Variants in FNBP4 observed in about 807,000 individuals in gnomAD.
The protein encoded by FNBP4 is formin binding protein 4.
In FNBP4, 34 loss-of-function variants were observed where a neutral mutation model predicts 119.3. The ratio of observed to expected loss-of-function variants is 0.28; its 90% CI spans 0.22 to 0.38. The LOEUF (loss-of-function observed/expected upper bound fraction) is 0.38. Ranked by LOEUF, FNBP4 falls within the 10% of genes least tolerant of loss-of-function variation. FNBP4 has a pLI of 1.00. For missense variants in FNBP4, 1,112 were observed against 1,228.9 expected, an observed-to-expected ratio of 0.90 and a Z score of 1.42; for synonymous variants, 462 against 430.6, an observed-to-expected ratio of 1.07 and a Z score of -0.90.
chr11:47,766,488 G>T (rs1292859682), intron 1 of FNBP4, among the ~76,000 whole-genome samples: 1 of 152,166 alleles, frequency 6.6e-6, no homozygotes, highest in Non-Finnish European at 1.5e-5. Context: ...ATGTGAAACG[G>T]TCGCGGCTTC....
chr11:47,728,104 G>A (rs1195265141), intron 12 of FNBP4, among the ~76,000 whole-genome samples: 5 of 151,768 alleles, frequency 3.3e-5, no homozygotes, highest in Admixed American at 2.0e-4. Flanking sequence ...TTGAACTCCC[G>A]ACCTCAGGTG....
chr11:47,735,407 T>C (rs2097572677), intron 9 of FNBP4, among the ~76,000 whole-genome samples: 1 of 152,200 alleles, frequency 6.6e-6, no homozygotes, highest in Admixed American at 6.5e-5. Context: ...AAGAATATGT[T>C]AAGTGGTTTT....
intron 7 of FNBP4, among the ~76,000 whole-genome samples, chr11:47,744,517 C>T (rs1034850666): frequency 2.0e-5 from 3 of 152,154 alleles, no homozygotes; most frequent in African/African-American, 7.2e-5. Context: ...CCTGCTCAGC[C>T]TCCCAAAGTC....
intron 8 of FNBP4, among the ~76,000 whole-genome samples, chr11:47,741,418 T>C (rs1276792905): frequency 6.6e-6 from 1 of 151,718 alleles, no homozygotes; most frequent in East Asian, 1.9e-4. Flanking sequence ...ATCTTTCCGC[T>C]TTGCCCTCCG....
intron 12 of FNBP4, chr11:47,729,816 G>C (rs1257733251): frequency 2.0e-6 from 2 of 985,176 alleles, no homozygotes; most frequent in African/African-American, 3.5e-5. Flanking sequence ...GTTGATTATT[G>C]CTCTTAAATC....
chr11:47,750,381 CAAAAAAAAAAAA>C (rs59583797), intron 6 of FNBP4, among the ~76,000 whole-genome samples: 4 of 24,752 alleles, frequency 1.6e-4, no homozygotes, highest in Admixed American at 8.5e-4. Context: ...GACTCCATAT[CAAAAAAAAAAAA>C]AAAAAAAAAA....
rs12270340 is a variant in FNBP4 at position 47,727,417 on chromosome 11, T to G, written c.2009-2639A>C. ...GGCCCACACCACCACATCCAGCTAA[T>G]TTTTGTATTTTTAGTAAGAGAGGGG... On this transcript the variant is annotated intron_variant, in intron 12 of 16. Coordinates refer to ENST00000263773, the MANE Select transcript of FNBP4 (RefSeq NM_015308.5). Among the ~76,000 whole-genome samples, 1,120 of 152,162 alleles carry G rather than the reference T, an allele frequency of 7.4e-3. 14 individuals are homozygous for G. Among genetic ancestry groups the G allele is most frequent in the African/African-American group, 0.026 (1,079 of 41,496 alleles).
chr11:47,746,485 G>A (rs1054400629), intron 6 of FNBP4, 91 bp from the exon 7 acceptor site: 15 of 1,100,640 alleles, frequency 1.4e-5, no homozygotes, highest in Non-Finnish European at 1.9e-5. Context: ...CATATTAACT[G>A]TTTTCAGTAG....
intron 12 of FNBP4, chr11:47,729,575 T>C: frequency 1.0e-6 from 1 of 955,554 alleles, no homozygotes; most frequent in Non-Finnish European, 1.2e-6. Context: ...AGTGGTACAA[T>C]TATGGCTTAC....
At chr11:47,755,752 C>T (rs2097616078) in intron 2 of FNBP4, among the ~76,000 whole-genome samples, 1 of 151,676 alleles carries the variant, frequency 6.6e-6, no homozygotes, top group South Asian at 2.1e-4. Context: ...AACATCTCCA[C>T]TGTACTCCAG....
At chr11:47,724,426 C>T in intron 13 of FNBP4, 42 bp downstream of exon 13, 1 of 1,613,458 alleles carries the variant, frequency 6.2e-7, no homozygotes, top group Non-Finnish European at 8.5e-7. Context: ...AATCATGTTC[C>T]AGTCCTCAAA....
intron 6 of FNBP4, among the ~76,000 whole-genome samples, chr11:47,747,033 TATG>T (rs1348682988): frequency 6.6e-6 from 1 of 152,006 alleles, no homozygotes; most frequent in East Asian, 1.9e-4. Flanking sequence ...CCTTCTTCTG[TATG>T]ATGAGAAATT....
intron 3 of FNBP4, among the ~76,000 whole-genome samples, chr11:47,753,791 C>G (rs1195875914): frequency 2.0e-5 from 3 of 151,866 alleles, no homozygotes; most frequent in Non-Finnish European, 2.9e-5. Context: ...AAGACCCAGT[C>G]TCGAGGGAGA....
At chr11:47,766,209 G>A (rs1001481315) in intron 1 of FNBP4, among the ~76,000 whole-genome samples, 1 of 152,026 alleles carries the variant, frequency 6.6e-6, no homozygotes, top group Admixed American at 6.6e-5. Flanking sequence ...AGCTACCCAG[G>A]AGGCTAAGGC....
rs554576747 is a variant in FNBP4, at chr11:47,745,108, T to C, written c.1246-945A>G. Among the ~76,000 whole-genome samples the C allele has an allele frequency of 3.3e-5, 5 of 152,354 alleles. No individual in the cohort carries two copies. In the East Asian group the frequency reaches 9.6e-4, roughly 29 times the overall value. On this transcript the variant is annotated intron_variant, in intron 7 of 16. Transcript: ENST00000263773. ...GTACATCACCTCAGGACCACTGTGATAATTGTGTTAACTGTACAAATTGAT... is the reference window on the plus strand; with the variant it reads ...GTACATCACCTCAGGACCACTGTGACAATTGTGTTAACTGTACAAATTGAT...
chr11:47,765,851 C>CTTTTTTTTTTT (rs1167976570), intron 1 of FNBP4, among the ~76,000 whole-genome samples: 50 of 82,186 alleles, frequency 6.1e-4, no homozygotes, highest in East Asian at 1.4e-3. Context: ...GAGCTGGAAT[C>CTTTTTTTTTTT]TTTTTTTTTT....
chr11:47,743,908 C>A, intron 8 of FNBP4, 45 bp downstream of exon 8: 1 of 1,542,518 alleles, frequency 6.5e-7, no homozygotes, highest in South Asian at 1.1e-5. Flanking sequence ...TTTCCTTCCC[C>A]TCTATATCTT....
intron 3 of FNBP4, 137 bp downstream of exon 3, chr11:47,754,391 G>T: frequency 1.2e-6 from 1 of 824,316 alleles, no homozygotes; most frequent in Non-Finnish European, 1.9e-6. Flanking sequence ...TAGAGATCGG[G>T]AGAAATACAA....
chr11:47,765,434 A>G (rs2135301527), intron 1 of FNBP4, 72 bp from the exon 2 acceptor site: 2 of 1,003,890 alleles, frequency 2.0e-6, no homozygotes, highest in Non-Finnish European at 2.9e-6. Context: ...GTCAGATTCC[A>G]GACCAGAGAA....
Sources: allele counts gnomAD v4.1 joint callset (sites outside exome capture counted in the v4.1 genomes callset), GRCh38; gene constraint gnomAD v4.1.1; transcripts MANE v1.5; gene names NCBI Gene and HGNC (gene_info 2026-07-23, HGNC 2026-07-21).